Variants in EHMT1 observed in about 807,000 individuals in gnomAD.
The protein encoded by EHMT1 is histone-lysine N-methyltransferase EHMT1.
In EHMT1, 15 loss-of-function variants were observed where a neutral mutation model predicts 147.2. That is an observed-to-expected ratio of 0.10 (90% CI 0.07 to 0.16). The LOEUF (loss-of-function observed/expected upper bound fraction) is 0.16. EHMT1 is among the 10% of genes least tolerant of loss of function. The pLI is 1.00. For missense variants in EHMT1, 1,587 were observed against 1,772.4 expected (o/e 0.90, Z 1.88); for synonymous variants, 795 against 709.6 (o/e 1.12, Z -1.91).
Position 137,757,941 on chromosome 9 carries a change from A to G in EHMT1, c.1431A>G (p.Thr477=). 1 of 1,614,124 alleles carries G rather than the reference A, an allele frequency of 6.2e-7. No individual in the cohort carries two copies. The highest frequency in any genetic ancestry group is 1.3e-5 in the African/African-American group (1 of 75,028). ...AGCAGACGGCACCAGGAGACAGCAC[A>G]GGGTACATGGAAGTTTCTCTGGACT... The part of the protein sequence containing the change: ...SAEQTAPGDS[T]GYMEVSLDSL... The change falls in exon 9 of 27, where the codon ACA becomes ACG. Residue 477 remains threonine, a synonymous_variant. Transcript: ENST00000460843.
intron 26 of EHMT1, 114 bp from the exon 27 acceptor site, chr9:137,834,659 G>A: frequency 6.3e-7 from 1 of 1,596,394 alleles, no homozygotes; most frequent in Non-Finnish European, 8.6e-7. Flanking sequence ...CTGCGACCTG[G>A]GATGCGGCAC....
chr9:137,647,347 C>T (rs541015923), intron 1 of EHMT1, among the ~76,000 whole-genome samples: 2 of 152,256 alleles, frequency 1.3e-5, no homozygotes, highest in East Asian at 1.9e-4. Context: ...CAGCATGAAA[C>T]GCAGCTCTCT....
intron 4 of EHMT1, among the ~76,000 whole-genome samples, chr9:137,742,577 A>G (rs1432008129): frequency 6.6e-6 from 1 of 152,108 alleles, no homozygotes; most frequent in Non-Finnish European, 1.5e-5. Context: ...GTCTGATTAT[A>G]TAAAACCAGT....
chr9:137,818,267 C>T lies in EHMT1; in HGVS notation c.3540+129C>T, dbSNP rs145281244. ...TGACAAGAGTGGGCTTGCTATAGAC[C>T]TGCTGAGTGCCGCATTTGGAGCTGG... On this transcript the variant is annotated intron_variant, in intron 25 of 26. Transcript: ENST00000460843. 558 of 1,014,894 alleles carry T rather than the reference C, an allele frequency of 5.5e-4. 2 individuals are homozygous for T. The African/African-American group carries it at 8.0e-3, about 14-fold the overall frequency. 62.9% of individuals were successfully genotyped at this position (1,014,894 alleles called of 1,614,324 possible). A position where few individuals can be genotyped will look rare whatever the true frequency, so the allele number is the denominator to read the frequency against.
chr9:137,822,109 C>A (rs1012509011), intron 25 of EHMT1, among the ~76,000 whole-genome samples: 8 of 152,250 alleles, frequency 5.3e-5, no homozygotes, highest in Non-Finnish European at 8.8e-5. Flanking sequence ...CTCCCCTGCC[C>A]ATCCTGGTGG....
chr9:137,767,674 G>A (rs11137212), intron 10 of EHMT1, among the ~76,000 whole-genome samples: 10,759 of 152,122 alleles, frequency 0.071, 1,178 homozygotes, highest in African/African-American at 0.24. Context: ...TTAGATGGGC[G>A]TGGTGGCGGG....
At chr9:137,745,145 A>G (rs942813537) in intron 6 of EHMT1, among the ~76,000 whole-genome samples, 7 of 152,238 alleles carry the variant, frequency 4.6e-5, no homozygotes, top group African/African-American at 1.4e-4. Flanking sequence ...TCATCCAAAT[A>G]GTGACTTACT....
chr9:137,642,491 A>G (rs927188070), intron 1 of EHMT1, among the ~76,000 whole-genome samples: 4 of 152,034 alleles, frequency 2.6e-5, no homozygotes, highest in Non-Finnish European at 5.9e-5. Flanking sequence ...CTTTTGTGTT[A>G]GATATTTTCT....
rs112367419 is a variant in EHMT1, at chr9:137,827,966, G to A, written c.3541-6383G>A. 1.8e-4 allele frequency among the ~76,000 whole-genome samples: 28 copies of A among 152,182 alleles called. 1 individual carries two copies. Among genetic ancestry groups the A allele is most frequent in the African/African-American group, 6.3e-4 (26 of 41,458 alleles). On this transcript the variant is annotated intron_variant, in intron 25 of 26. Coordinates refer to ENST00000460843, the MANE Select transcript of EHMT1 (RefSeq NM_024757.5). ...TTCTGGGATCTGAAGCCTCTGAACC[G>A]TAGGAGCAGCTAGGGGAGGCCGTGC...
chr9:137,628,477 C>G (rs1843408703), intron 1 of EHMT1, among the ~76,000 whole-genome samples: 1 of 152,130 alleles, frequency 6.6e-6, no homozygotes, highest in African/African-American at 2.4e-5. Context: ...GAGATGGAGT[C>G]TCACTGTGTT....
chr9:137,668,915 C>T (rs1940046250), intron 1 of EHMT1, among the ~76,000 whole-genome samples: 1 of 152,154 alleles, frequency 6.6e-6, no homozygotes, highest in Admixed American at 6.5e-5. Flanking sequence ...GAGACGGAGT[C>T]TCGCTCTGTC....
rs544779655 is a variant in EHMT1, at chr9:137,652,263, A to AT, written c.21+33225dup. On this transcript the variant is annotated intron_variant, in intron 1 of 26. Transcript: ENST00000460843. ...AATGTGTGTGTTTGTGTTTTAGTTA[A>AT]TTTTTTTTTTTGTAGAGATGAGGTC... 8.9e-3 allele frequency among the ~76,000 whole-genome samples: 1,321 copies of AT among 147,994 alleles called. 10 individuals are homozygous for AT. Among genetic ancestry groups the AT allele is most frequent in the Middle Eastern group, 0.014 (4 of 282 alleles).
chr9:137,649,092 C>T (rs1213686826), intron 1 of EHMT1, among the ~76,000 whole-genome samples: 2 of 152,146 alleles, frequency 1.3e-5, no homozygotes, highest in Non-Finnish European at 2.9e-5. Flanking sequence ...ATTCACATTC[C>T]CCTGTGACTT....
chr9:137,675,478 T>A (rs966055944), intron 1 of EHMT1, among the ~76,000 whole-genome samples: 1 of 152,088 alleles, frequency 6.6e-6, no homozygotes, highest in African/African-American at 2.4e-5. Context: ...ATTTATTTAT[T>A]TTTGAGATAG....
chr9:137,678,704 G>T, intron 1 of EHMT1, among the ~76,000 whole-genome samples: 1 of 147,082 alleles, frequency 6.8e-6, no homozygotes, highest in South Asian at 2.2e-4. Context: ...AAAGTTATAT[G>T]AATGTCCCCC....
intron 1 of EHMT1, among the ~76,000 whole-genome samples, chr9:137,639,585 T>C (rs140138507): frequency 6.6e-6 from 1 of 152,340 alleles, no homozygotes; most frequent in African/African-American, 2.4e-5. Flanking sequence ...TATAAATGTT[T>C]TTGTTTTAAA....
At chr9:137,780,804 ATC>A (rs375773616) in intron 14 of EHMT1, among the ~76,000 whole-genome samples, 81 of 53,894 alleles carry the variant, frequency 1.5e-3, no homozygotes, top group Middle Eastern at 0.016. Context: ...TGATGACGGC[ATC>A]TCACTGAGAT....
chr9:137,787,908 A>C lies in EHMT1; in HGVS notation c.2383-2940A>C. The C allele has an allele frequency of 1.4e-6, 2 of 1,463,720 alleles. No homozygotes were observed. The highest frequency in any genetic ancestry group is 1.1e-5 in the South Asian group (1 of 87,964). The allele number at this position is 1,463,720 out of a possible 1,614,324, so 90.7% of individuals were successfully genotyped here. The stretch of plus-strand genomic sequence containing the variant: ...GGGCATTACCACATTGGGAGTGTAG[A>C]TTGGCAAGTAGGAGGTGGGCAGCTG... On this transcript the variant is annotated intron_variant, in intron 15 of 26. Coordinates refer to ENST00000460843, the MANE Select transcript of EHMT1 (RefSeq NM_024757.5). This position sits in a 1 kb window ranked among gnomAD's most constrained non-coding sequence, Gnocchi z 4.2.
chr9:137,623,594 T>C (rs1843073046), intron 1 of EHMT1, among the ~76,000 whole-genome samples: 1 of 152,026 alleles, frequency 6.6e-6, no homozygotes, highest in African/African-American at 2.4e-5. Flanking sequence ...CTAATTTTTG[T>C]ATTTTTGGTA....
Sources: allele counts gnomAD v4.1 joint callset (sites outside exome capture counted in the v4.1 genomes callset), GRCh38; gene constraint gnomAD v4.1.1; non-coding constraint Gnocchi (gnomAD v3.1); transcripts MANE v1.5; gene names NCBI Gene and HGNC (gene_info 2026-07-23, HGNC 2026-07-21).